The following BACE2 variants were observed in gnomAD, a reference collection of about 807,000 sequenced individuals.
BACE2 encodes the protein beta-secretase 2.
A neutral mutation model predicts 46.2 loss-of-function variants in BACE2; 17 were observed. The ratio of observed to expected loss-of-function variants is 0.37; its 90% CI spans 0.25 to 0.55. The LOEUF (loss-of-function observed/expected upper bound fraction) is 0.55, where lower values mean the gene tolerates loss of function less well. Among genes scored for constraint, BACE2 ranks in the 20% least tolerant of loss-of-function variants. The pLI is 0.82. For missense variants in BACE2, 595 were observed against 698.1 expected (o/e 0.85, Z 1.66); for synonymous variants, 277 against 295.9 (o/e 0.94, Z 0.66).
chr21:41,231,381 C>T (rs1027529927), intron 2 of BACE2, among the ~76,000 whole-genome samples: 1 of 152,128 alleles, frequency 6.6e-6, no homozygotes, highest in Non-Finnish European at 1.5e-5. Flanking sequence ...AGTAAGCCCA[C>T]GGGTAGATTT....
chr21:41,200,427 C>T (rs1389350732), intron 1 of BACE2, among the ~76,000 whole-genome samples: 2 of 152,120 alleles, frequency 1.3e-5, no homozygotes, highest in Non-Finnish European at 2.9e-5. Flanking sequence ...ATGTGGACTC[C>T]GCTGTCTTCA....
chr21:41,235,073 C>T (rs988616881), intron 2 of BACE2, among the ~76,000 whole-genome samples: 4 of 152,150 alleles, frequency 2.6e-5, no homozygotes, highest in South Asian at 2.1e-4. Context: ...GCCAGACCTT[C>T]GTAAAATAAC....
intron 1 of BACE2, among the ~76,000 whole-genome samples, chr21:41,169,838 C>A (rs1311593545): frequency 6.6e-6 from 1 of 152,180 alleles, no homozygotes; most frequent in Non-Finnish European, 1.5e-5. Context: ...CGTGAGTGAT[C>A]TTTGCCATCT....
At chr21:41,272,753 C>G (rs1229823587) in intron 8 of BACE2, among the ~76,000 whole-genome samples, 1 of 152,144 alleles carries the variant, frequency 6.6e-6, no homozygotes, top group Non-Finnish European at 1.5e-5. Flanking sequence ...ATTCTATCAT[C>G]TGTGCCATTT....
chr21:41,180,569 G>A (rs1985082604), intron 1 of BACE2: 1 of 167,060 alleles, frequency 6.0e-6, no homozygotes, highest in African/African-American at 2.4e-5. Context: ...TGGAACTGTG[G>A]TAATCTAGAA....
intron 8 of BACE2, among the ~76,000 whole-genome samples, chr21:41,273,236 G>A (rs908808781): frequency 5.9e-5 from 9 of 152,326 alleles, no homozygotes; most frequent in East Asian, 1.9e-4. Flanking sequence ...CTTTGGGCAC[G>A]CATTGTCATT....
At chr21:41,205,197 G>C (rs952151100) in intron 1 of BACE2, among the ~76,000 whole-genome samples, 1 of 152,212 alleles carries the variant, frequency 6.6e-6, no homozygotes, top group East Asian at 1.9e-4. Flanking sequence ...ATTCAGGTGA[G>C]TACTAGGATT....
intron 8 of BACE2, among the ~76,000 whole-genome samples, chr21:41,260,151 GTT>G (rs1987897432): frequency 6.7e-6 from 1 of 150,054 alleles, no homozygotes; most frequent in Non-Finnish European, 1.5e-5. Context: ...TCTTTGTTTT[GTT>G]TTGTTTTTAA....
intron 1 of BACE2, among the ~76,000 whole-genome samples, chr21:41,172,600 T>C (rs1233550965): frequency 6.6e-6 from 1 of 152,152 alleles, no homozygotes; most frequent in African/African-American, 2.4e-5. Flanking sequence ...CCTCCTTAGG[T>C]GCAGTGTTTT....
intron 1 of BACE2, chr21:41,179,310 T>TGAGTGAGAGTGTCCAGGGTGAG: frequency 1.6e-6 from 2 of 1,238,846 alleles, no homozygotes; most frequent in Non-Finnish European, 2.1e-6. Flanking sequence ...GGTGTCAGGG[T>TGAGTGAGAGTGTCCAGGGTGAG]GAGTGAGAGT....
At chr21:41,182,782 A>T (rs942549313) in intron 1 of BACE2, 1 of 167,106 alleles carries the variant, frequency 6.0e-6, no homozygotes, top group Non-Finnish European at 1.5e-5. Context: ...TCTTTCTTAA[A>T]GTTATTTTAC....
chr21:41,252,996 T>C (rs1259932788), intron 7 of BACE2, among the ~76,000 whole-genome samples: 1 of 152,174 alleles, frequency 6.6e-6, no homozygotes, highest in African/African-American at 2.4e-5. Context: ...AGCAAAGCAT[T>C]TAGCCCTGCC....
At chr21:41,260,818 G>T (rs544163484) in intron 8 of BACE2, among the ~76,000 whole-genome samples, 3 of 152,278 alleles carry the variant, frequency 2.0e-5, no homozygotes, top group East Asian at 1.9e-4. Flanking sequence ...GGAGTCATCC[G>T]CAGTCATCTT....
In BACE2 at chr21:41,218,636, C is replaced by T. The variant is rs143417894; in HGVS notation, c.313-7630C>T. ...GTAACCTATGGAGAGGTTGGTGGGACTCAGATTCCTGGTGACATAGGTACA... is the reference window on the plus strand; with the variant it reads ...GTAACCTATGGAGAGGTTGGTGGGATTCAGATTCCTGGTGACATAGGTACA... On this transcript the variant is annotated intron_variant, in intron 1 of 8. Coordinates refer to ENST00000330333, the MANE Select transcript of BACE2 (RefSeq NM_012105.5). Among the ~76,000 whole-genome samples the T allele has an allele frequency of 1.3e-3, 197 of 152,232 alleles. 1 individual carries two copies. The highest frequency in any genetic ancestry group is 7.1e-3 in the East Asian group (37 of 5,180).
chr21:41,216,123 T>C (rs1403901053), intron 1 of BACE2, among the ~76,000 whole-genome samples: 1 of 152,058 alleles, frequency 6.6e-6, no homozygotes, highest in Non-Finnish European at 1.5e-5. Context: ...TTTTTATCTC[T>C]GTGGTTGAGG....
At chr21:41,273,548 C>T (rs999792840) in intron 8 of BACE2, among the ~76,000 whole-genome samples, 4 of 152,248 alleles carry the variant, frequency 2.6e-5, no homozygotes, top group African/African-American at 9.6e-5. Flanking sequence ...GGCTCTCAGG[C>T]AGCCAGACCT....
At chr21:41,202,800 A>G (rs111709004) in intron 1 of BACE2, among the ~76,000 whole-genome samples, 6 of 152,286 alleles carry the variant, frequency 3.9e-5, no homozygotes, top group African/African-American at 9.6e-5. Context: ...CAGCAGTTAC[A>G]TGGGGACCTG....
intron 1 of BACE2, chr21:41,177,384 C>G (rs1272024092): frequency 6.6e-6 from 1 of 152,206 alleles, no homozygotes; most frequent in Non-Finnish European, 1.5e-5. Context: ...AATCTGTGCT[C>G]TAAAATAAGG....
rs142269525 is a variant in BACE2 at position 41,227,868 on chromosome 21, G to T, written c.401+1514G>T. Among the ~76,000 whole-genome samples, 2 of 152,100 alleles carry T rather than the reference G, an allele frequency of 1.3e-5. 1 individual carries two copies. Among genetic ancestry groups the T allele is most frequent in the South Asian group, 4.1e-4 (2 of 4,820 alleles). On this transcript the variant is annotated intron_variant, in intron 2 of 8. Transcript: ENST00000330333. ...GGTTTACGATGGCTTATGCTGCCCC[G>T]TCCCACTCAGATCTGTGATTCATCC...
Sources: allele counts gnomAD v4.1 joint callset (sites outside exome capture counted in the v4.1 genomes callset), GRCh38; gene constraint gnomAD v4.1.1; transcripts MANE v1.5; gene names NCBI Gene and HGNC (gene_info 2026-07-23, HGNC 2026-07-21).